Variants in NHEJ1 observed in about 807,000 individuals in gnomAD.
NHEJ1 encodes the protein non-homologous end joining factor 1.
In NHEJ1, 22 loss-of-function variants were observed where a neutral mutation model predicts 39.4. That is an observed-to-expected ratio of 0.56 (90% CI 0.40 to 0.80). The LOEUF is 0.80. Ranked by LOEUF, NHEJ1 falls within the 30% of genes least tolerant of loss-of-function variation. NHEJ1 has a pLI of 0.00. For synonymous variants in NHEJ1, 154 were observed against 135.6 expected, an observed-to-expected ratio of 1.14 and a Z score of -0.94; for missense variants, 329 against 357.1, an observed-to-expected ratio of 0.92 and a Z score of 0.63.
chr2:219,150,560 C>T (rs2106364007), intron 3 of NHEJ1, among the ~76,000 whole-genome samples: 1 of 152,346 alleles, frequency 6.6e-6, no homozygotes, highest in South Asian at 2.1e-4. Context: ...TGGCTCACGC[C>T]TATAATCCCA....
chr2:219,144,804 C>T (rs965143887), intron 5 of NHEJ1, among the ~76,000 whole-genome samples: 1 of 152,156 alleles, frequency 6.6e-6, no homozygotes, highest in African/African-American at 2.4e-5. Flanking sequence ...ATGTTATCCC[C>T]AGCCTTGATA....
chr2:219,135,623 A>C (rs1185902835), intron 5 of NHEJ1, among the ~76,000 whole-genome samples: 1 of 152,142 alleles, frequency 6.6e-6, no homozygotes, highest in Non-Finnish European at 1.5e-5. Context: ...GTAAAGAAGT[A>C]AGACATCAAA....
At chr2:219,154,987 A>G (rs911648105) in intron 3 of NHEJ1, among the ~76,000 whole-genome samples, 1 of 147,726 alleles carries the variant, frequency 6.8e-6, no homozygotes, top group Admixed American at 6.8e-5. Flanking sequence ...ATATTTATAT[A>G]TTAATCTATA....
chr2:219,126,770 G>A (rs975805919), intron 5 of NHEJ1, among the ~76,000 whole-genome samples: 4 of 152,238 alleles, frequency 2.6e-5, no homozygotes. Flanking sequence ...CAGAGGGCCA[G>A]GGAGAATTCC....
At chr2:219,122,785 C>T (rs554508205) in intron 5 of NHEJ1, among the ~76,000 whole-genome samples, 18 of 152,264 alleles carry the variant, frequency 1.2e-4, no homozygotes, top group Admixed American at 8.5e-4. Context: ...TGAGCCTCTG[C>T]GGTCACATGA....
chr2:219,158,318 C>G lies in NHEJ1; in HGVS notation c.45G>C (p.Trp15Cys). The stretch of plus-strand genomic sequence containing the variant: ...AGAGGGAGTTCTCTGCAAGCTGTAG[C>G]CACGCCCATGGCTGCATCAACAGGC... ...EQGLLMQPWA[W>C]LQLAENSLLA... The change falls in exon 2 of 8, where the codon TGG becomes TGC. Residue 15 changes from tryptophan to cysteine, a missense_variant. By Grantham distance (215) the Trp-to-Cys change is radical. Transcript: ENST00000356853. 6.2e-7 allele frequency: 1 copy of G among 1,614,226 alleles called. No homozygotes were observed. Among genetic ancestry groups the G allele is most frequent in the Non-Finnish European group, 8.5e-7 (1 of 1,180,050 alleles).
At chr2:219,153,692 A>AGGGGGGG (rs61240146) in intron 3 of NHEJ1, among the ~76,000 whole-genome samples, 1 of 79,420 alleles carries the variant, frequency 1.3e-5, no homozygotes, top group African/African-American at 5.7e-5. Flanking sequence ...AAGAAAGAAA[A>AGGGGGGG]GGGGGGGGGG....
At chr2:219,076,557 CTT>C (rs778354452) in intron 7 of NHEJ1, 102 bp from the exon 8 acceptor site, 28,921 of 418,576 alleles carry the variant, frequency 0.069, no homozygotes, top group Middle Eastern at 0.1. Flanking sequence ...AGGATGAGGC[CTT>C]TTTTTTTTTT....
intron 5 of NHEJ1, among the ~76,000 whole-genome samples, chr2:219,144,942 T>C (rs949477530): frequency 6.6e-6 from 1 of 152,158 alleles, no homozygotes; most frequent in Admixed American, 6.5e-5. Flanking sequence ...AGGCTAGGCA[T>C]GGTGGCTCAC....
intron 5 of NHEJ1, among the ~76,000 whole-genome samples, chr2:219,112,903 GCCA>G (rs1949378911): frequency 6.6e-6 from 1 of 152,032 alleles, no homozygotes; most frequent in Non-Finnish European, 1.5e-5. Context: ...CACGCACTGT[GCCA>G]CCAAGAATCA....
intron 3 of NHEJ1, among the ~76,000 whole-genome samples, chr2:219,154,155 T>A (rs2106366486): frequency 6.6e-6 from 1 of 152,306 alleles, no homozygotes; most frequent in South Asian, 2.1e-4. Flanking sequence ...ATGAATAATC[T>A]CTAAGTTCTT....
chr2:219,152,789 TTTTATTTATTTA>T (rs372977188), intron 3 of NHEJ1, among the ~76,000 whole-genome samples: 3,027 of 87,730 alleles, frequency 0.035, 43 homozygotes, highest in South Asian at 0.083. Context: ...ATTTATTTAT[TTTTATTTATTTA>T]TTTATTTATT....
chr2:219,118,606 T>A (rs1330149317), intron 5 of NHEJ1, among the ~76,000 whole-genome samples: 2 of 151,914 alleles, frequency 1.3e-5, no homozygotes, highest in Non-Finnish European at 2.9e-5. Flanking sequence ...GCTGTGTCTG[T>A]AAAGCGGATG....
chr2:219,126,403 A>G (rs1431350324), intron 5 of NHEJ1, among the ~76,000 whole-genome samples: 1 of 152,222 alleles, frequency 6.6e-6, no homozygotes, highest in Non-Finnish European at 1.5e-5. Flanking sequence ...TTCAAAACAA[A>G]CAAACAAATC....
At chr2:219,094,814 C>A (rs138899587) in intron 5 of NHEJ1, among the ~76,000 whole-genome samples, 1 of 152,090 alleles carries the variant, frequency 6.6e-6, no homozygotes, top group Non-Finnish European at 1.5e-5. Flanking sequence ...GCTGACCCTA[C>A]GCAACAGAAC....
At chr2:219,116,666 T>G (rs755463935) in intron 5 of NHEJ1, among the ~76,000 whole-genome samples, 30 of 152,174 alleles carry the variant, frequency 2.0e-4, no homozygotes, top group Non-Finnish European at 3.5e-4. Flanking sequence ...CTTTCTGCTT[T>G]CTTTATGATC....
intron 5 of NHEJ1, among the ~76,000 whole-genome samples, chr2:219,113,983 A>G (rs956379542): frequency 1.3e-5 from 2 of 152,166 alleles, no homozygotes; most frequent in African/African-American, 4.8e-5. Flanking sequence ...AAACAAAACC[A>G]ATGCCTTAGA....
In NHEJ1 at chr2:219,158,343, C is replaced by T. The variant is rs781156308; in HGVS notation, c.20G>A (p.Gly7Asp). The change falls in exon 2 of 8, where the codon GGC becomes GAC. Residue 7 changes from glycine (G) to aspartate (D), a missense_variant. Physicochemically the swap from Gly to Asp is moderately conservative, Grantham distance 94. Transcript: ENST00000356853. MEELEQ[G>D]LLMQPWAWLQ... Reference sequence around the variant, plus strand: ...CCACGCCCATGGCTGCATCAACAGGCCTTGCTCCAGTTCTTCCATCTGCAA... The same window carrying T: ...CCACGCCCATGGCTGCATCAACAGGTCTTGCTCCAGTTCTTCCATCTGCAA... The T allele has an allele frequency of 6.2e-7, 1 of 1,614,188 alleles. No individual in the cohort carries two copies. Among genetic ancestry groups the T allele is most frequent in the African/African-American group, 1.3e-5 (1 of 75,042 alleles).
chr2:219,084,006 G>GC (rs1446061873), intron 5 of NHEJ1, among the ~76,000 whole-genome samples: 19 of 139,154 alleles, frequency 1.4e-4, no homozygotes, highest in Admixed American at 3.6e-4. Flanking sequence ...TTCTTTCTTT[G>GC]CTTTTTTTTT....
Sources: gnomAD v4.1 joint callset for allele counts (sites outside exome capture counted in the v4.1 genomes callset) on GRCh38, gnomAD v4.1.1 for gene constraint, MANE v1.5 for transcripts, NCBI Gene and HGNC (gene_info 2026-07-23, HGNC 2026-07-21) for gene names.